LARP4B: variants seen among roughly 807,000 people sequenced by gnomAD.
The protein encoded by LARP4B is La ribonucleoprotein 4B, also known as la-related protein 4B.
LARP4B carries 12 observed loss-of-function variants against 89.8 expected under a neutral mutation model. The ratio of observed to expected loss-of-function variants is 0.13; its 90% CI spans 0.09 to 0.22. LARP4B has a LOEUF of 0.22. LARP4B is among the 10% of genes least tolerant of loss of function. The pLI is 1.00. For synonymous variants in LARP4B, 367 were observed against 363.3 expected (o/e 1.01, Z -0.12); for missense variants, 757 against 947.7 (o/e 0.80, Z 2.64).
intron 3 of LARP4B, among the ~76,000 whole-genome samples, chr10:865,220 G>A (rs1209542642): frequency 1.3e-5 from 2 of 152,152 alleles, no homozygotes; most frequent in Non-Finnish European, 2.9e-5. Context: ...TCTGGACAAC[G>A]GACTCTCAGA....
At chr10:827,333 G>A (rs1312591050) in intron 11 of LARP4B, among the ~76,000 whole-genome samples, 1 of 152,146 alleles carries the variant, frequency 6.6e-6, no homozygotes, top group Non-Finnish European at 1.5e-5. Context: ...TGGATCTGAG[G>A]CTGTAAATCA....
the LARP4B span, among the ~76,000 whole-genome samples, chr10:940,791 T>C: frequency 1.3e-5 from 2 of 152,266 alleles, no homozygotes; most frequent in African/African-American, 4.8e-5. Flanking sequence ...AATGCCAGAC[T>C]GTGTCCAGGA....
chr10:829,803 T>G, intron 9 of LARP4B, 69 bp from the exon 10 acceptor site: 1 of 1,010,144 alleles, frequency 9.9e-7, no homozygotes, highest in African/African-American at 1.6e-5. Flanking sequence ...AATAGTTCAC[T>G]CAATAGCTCA....
intron 5 of LARP4B, among the ~76,000 whole-genome samples, chr10:862,119 G>T (rs190878582): frequency 6.6e-6 from 1 of 151,938 alleles, no homozygotes; most frequent in Non-Finnish European, 1.5e-5. Flanking sequence ...TCATGTAGAC[G>T]GGAAATTCAC....
chr10:893,241 T>G (rs982714613), intron 1 of LARP4B, among the ~76,000 whole-genome samples: 1 of 152,106 alleles, frequency 6.6e-6, no homozygotes, highest in Non-Finnish European at 1.5e-5. Flanking sequence ...TAAAATGTAC[T>G]CAGTAGGCTT....
intron 1 of LARP4B, among the ~76,000 whole-genome samples, chr10:908,708 G>A (rs1836568980): frequency 6.6e-6 from 1 of 152,204 alleles, no homozygotes; most frequent in East Asian, 1.9e-4. Flanking sequence ...GCGAAAGCAG[G>A]AGAAAAACCG....
chr10:955,531 C>T, the LARP4B span, among the ~76,000 whole-genome samples: 1 of 152,216 alleles, frequency 6.6e-6, no homozygotes, highest in East Asian at 1.9e-4. The surrounding 1 kb of genome is among the most constrained non-coding windows in gnomAD (Gnocchi z 5.2). Context: ...AGCATGTCCT[C>T]GCTCCTAACA....
At chr10:827,298 A>G (rs1012758246) in intron 11 of LARP4B, among the ~76,000 whole-genome samples, 1 of 151,998 alleles carries the variant, frequency 6.6e-6, no homozygotes, top group Non-Finnish European at 1.5e-5. Context: ...AATACATCAC[A>G]CTTGAAGAGC....
chr10:831,963 C>T (rs543830876), intron 8 of LARP4B, among the ~76,000 whole-genome samples: 74 of 152,282 alleles, frequency 4.9e-4, no homozygotes, highest in African/African-American at 1.4e-3. Context: ...ACATTTACTG[C>T]ATATATATTC....
At chr10:815,351 C>G (rs1831980954) in intron 15 of LARP4B, 1 of 256,658 alleles carries the variant, frequency 3.9e-6, no homozygotes, top group Non-Finnish European at 7.4e-6. Flanking sequence ...CTTAACTGAA[C>G]AGGCATCAAA....
At chr10:948,968 C>T in the LARP4B span, among the ~76,000 whole-genome samples, 1 of 152,234 alleles carries the variant, frequency 6.6e-6, no homozygotes, top group South Asian at 2.1e-4. Context: ...CAGCTGTGTA[C>T]CAGTTGTCAT....
rs569245614 is a variant in LARP4B, at chr10:822,538, G to T, written c.1485-1693C>A. Among the ~76,000 whole-genome samples, 2 of 152,176 alleles carry T rather than the reference G, an allele frequency of 1.3e-5. No individual in the cohort carries two copies. The highest frequency in any genetic ancestry group is 2.9e-5 in the Non-Finnish European group (2 of 68,024). On this transcript the variant is annotated intron_variant, in intron 13 of 17. Transcript: ENST00000316157. The surrounding 1 kb of genome is among the most constrained non-coding windows in gnomAD (Gnocchi z 4.6). ...ACCCTCACTGGGCTCCACGTAACCC[G>T]TGTCAGACCCAGAAGCCCACCTGCA...
rs1184339721 is a variant in LARP4B, at chr10:844,962, C to A, written c.509+15G>T. On this transcript the variant is annotated intron_variant, in intron 6 of 17. Coordinates refer to ENST00000316157, the MANE Select transcript of LARP4B (RefSeq NM_015155.3). ...TAGAAATATCAGGTACTAGAAAAAC[C>A]ACCACCAGCCTTACCTAGATAAGCA... The A allele has an allele frequency of 3.1e-6, 5 of 1,592,012 alleles. No homozygotes were observed. The highest frequency in any genetic ancestry group is 1.4e-5 in the African/African-American group (1 of 73,280).
chr10:905,338 G>A (rs1036215287), intron 1 of LARP4B, among the ~76,000 whole-genome samples: 14 of 152,190 alleles, frequency 9.2e-5, no homozygotes, highest in African/African-American at 3.4e-4. Flanking sequence ...TTAATGTGAA[G>A]TCCTCCTTTC....
intron 3 of LARP4B, among the ~76,000 whole-genome samples, chr10:876,351 C>A (rs1310924853): frequency 6.6e-6 from 1 of 152,036 alleles, no homozygotes; most frequent in Non-Finnish European, 1.5e-5. Context: ...CACCATCGCA[C>A]TCCAGCCTGG....
At chr10:955,525 T>C in the LARP4B span, among the ~76,000 whole-genome samples, 1 of 152,224 alleles carries the variant, frequency 6.6e-6, no homozygotes, top group Non-Finnish European at 1.5e-5. The surrounding 1 kb of genome is among the most constrained non-coding windows in gnomAD (Gnocchi z 5.2). Flanking sequence ...GATTGGAGCA[T>C]GTCCTCGCTC....
chr10:968,664 T>C, the LARP4B span, among the ~76,000 whole-genome samples: 1 of 152,236 alleles, frequency 6.6e-6, no homozygotes, highest in Non-Finnish European at 1.5e-5. Context: ...TTGTTGATGG[T>C]ATCTCAAAGA....
At chr10:944,760 C>T in the LARP4B span, among the ~76,000 whole-genome samples, 6 of 151,838 alleles carry the variant, frequency 4.0e-5, no homozygotes, top group Non-Finnish European at 7.3e-5. Flanking sequence ...AGTCCTGGCC[C>T]TAAGTTCTAG....
At chr10:917,141 T>C (rs1252494466) in intron 1 of LARP4B, among the ~76,000 whole-genome samples, 1 of 152,344 alleles carries the variant, frequency 6.6e-6, no homozygotes, top group East Asian at 1.9e-4. Context: ...CTTAATTACA[T>C]GGGACTGAAA....
Sources: allele counts gnomAD v4.1 joint callset (sites outside exome capture counted in the v4.1 genomes callset), GRCh38; gene constraint gnomAD v4.1.1; non-coding constraint Gnocchi (gnomAD v3.1); transcripts MANE v1.5; gene names NCBI Gene and HGNC (gene_info 2026-07-23, HGNC 2026-07-21).